The following DNMT3L variants were observed in gnomAD, a reference collection of about 807,000 sequenced individuals.
The protein encoded by DNMT3L is DNA (cytosine-5)-methyltransferase 3-like.
DNMT3L carries 33 observed loss-of-function variants against 36.2 expected under a neutral mutation model. That is an observed-to-expected ratio of 0.91 (90% CI 0.69 to 1.22). The LOEUF (loss-of-function observed/expected upper bound fraction) is 1.22, where lower values mean the gene tolerates loss of function less well. DNMT3L is among the 50% of genes most tolerant of loss of function. The pLI is 0.00. For synonymous variants in DNMT3L, 117 were observed against 121.7 expected, an observed-to-expected ratio of 0.96 and a Z score of 0.26; for missense variants, 310 against 303.1, an observed-to-expected ratio of 1.02 and a Z score of -0.17.
At chr21:44,259,124 G>A (rs533338988) in intron 5 of DNMT3L, among the ~76,000 whole-genome samples, 18 of 152,236 alleles carry the variant, frequency 1.2e-4, no homozygotes, top group Middle Eastern at 3.4e-3. Flanking sequence ...AGGGAGTAAC[G>A]ACTGAGGGGT....
chr21:44,257,249 G>A (rs1472358311), intron 6 of DNMT3L, among the ~76,000 whole-genome samples: 1 of 152,128 alleles, frequency 6.6e-6, no homozygotes, highest in Non-Finnish European at 1.5e-5. Flanking sequence ...TGTGGCGGTC[G>A]GTGCCTGTAA....
intron 6 of DNMT3L, among the ~76,000 whole-genome samples, chr21:44,257,296 G>A (rs940071719): frequency 1.3e-5 from 2 of 152,206 alleles, no homozygotes; most frequent in Non-Finnish European, 2.9e-5. Context: ...AGAATCGCTT[G>A]AACCCGGGAG....
intron 7 of DNMT3L, among the ~76,000 whole-genome samples, chr21:44,254,912 G>T (rs918458243): frequency 1.3e-5 from 2 of 152,124 alleles, no homozygotes; most frequent in Admixed American, 6.5e-5. Flanking sequence ...TGCAACCTCC[G>T]CCTCCCAGGT....
At chr21:44,256,419 ATTTT>A (rs937821792) in intron 6 of DNMT3L, among the ~76,000 whole-genome samples, 2 of 103,824 alleles carry the variant, frequency 1.9e-5, no homozygotes, top group African/African-American at 4.0e-5. Context: ...GGGTTTGCTG[ATTTT>A]TTTTTTTTTT....
chr21:44,255,735 C>T (rs1391563486), intron 7 of DNMT3L, among the ~76,000 whole-genome samples: 4 of 152,302 alleles, frequency 2.6e-5, no homozygotes, highest in East Asian at 1.9e-4. Flanking sequence ...GGCTCCTGAT[C>T]GGCTGCATGG....
At position 44,259,663 on chromosome 21, in the gene DNMT3L, A is replaced by C; in HGVS notation, c.200T>G (p.Leu67Arg). ...GSLQVHTQHP[L>R]FEGGICAPCK... ...TGGGGCGCAGATCCCTCCCTCAAACAGAGGGTGCTGTGTGTGAACCTGGAG... is the reference window on the plus strand; with the variant it reads ...TGGGGCGCAGATCCCTCCCTCAAACCGAGGGTGCTGTGTGTGAACCTGGAG... The change falls in exon 4 of 12, where the codon CTG becomes CGG. Residue 67 changes from leucine (L) to arginine (R), a missense_variant. By Grantham distance (102) the Leu-to-Arg change is moderately radical. Transcript: ENST00000628202. 5 of 1,613,168 alleles carry C rather than the reference A, an allele frequency of 3.1e-6. No individual in the cohort carries two copies. Among genetic ancestry groups the C allele is most frequent in the Non-Finnish European group, 4.2e-6 (5 of 1,179,790 alleles).
chr21:44,259,650 C>G lies in DNMT3L; in HGVS notation c.213G>C (p.Gly71=). 1 of 1,613,192 alleles carries G rather than the reference C, an allele frequency of 6.2e-7. No individual in the cohort carries two copies. Among genetic ancestry groups the G allele is most frequent in the Middle Eastern group, 1.6e-4 (1 of 6,062 alleles). Residue 71 remains glycine, a synonymous_variant, in exon 4 of 12, where the codon GGG becomes GGC. Coordinates refer to ENST00000628202, the MANE Select transcript of DNMT3L (RefSeq NM_175867.3). ...TGCCTACCTTACATGGGGCGCAGAT[C>G]CCTCCCTCAAACAGAGGGTGCTGTG... ...VHTQHPLFEG[G]ICAPCKDKFL...
intron 8 of DNMT3L, among the ~76,000 whole-genome samples, chr21:44,253,975 G>A (rs1035660355): frequency 2.6e-5 from 4 of 152,246 alleles, no homozygotes; most frequent in Non-Finnish European, 4.4e-5. Context: ...GAAAAGGCAT[G>A]GTGGGGTGGG....
rs1315265026 is a variant in DNMT3L at position 44,259,630 on chromosome 21, A to G, written c.231+2T>C. 6.2e-7 allele frequency: 1 copy of G among 1,613,218 alleles called. No homozygotes were observed. The highest frequency in any genetic ancestry group is 8.5e-7 in the Non-Finnish European group (1 of 1,179,848). ...GGAGTCACCCCCAGCCTCCCTGCCT[A>G]CCTTACATGGGGCGCAGATCCCTCC... On this transcript the variant is annotated splice_donor_variant, in intron 4 of 11. Coordinates refer to ENST00000628202, the MANE Select transcript of DNMT3L (RefSeq NM_175867.3). LOFTEE classifies it high-confidence loss of function.
chr21:44,256,140 C>G lies in DNMT3L; in HGVS notation c.531G>C (p.Glu177Asp). ...TCCACACAGGCACGGTTTCGAACATCTCAAGGGGATTCTCCTATTTATTAA... is the reference window on the plus strand; with the variant it reads ...TCCACACAGGCACGGTTTCGAACATGTCAAGGGGATTCTCCTATTTATTAA... Reference protein sequence around the residue: ...FYDRESENPLEMFETVPVWRR... With the variant: ...FYDRESENPLDMFETVPVWRR... The change falls in exon 7 of 12, where the codon GAG becomes GAC. Residue 177 changes from glutamate to aspartate, a missense_variant. Glu to Asp is a conservative substitution (Grantham distance 45). Transcript: ENST00000628202. 1 of 1,613,598 alleles carries G rather than the reference C, an allele frequency of 6.2e-7. No individual in the cohort carries two copies. Among genetic ancestry groups the G allele is most frequent in the Non-Finnish European group, 8.5e-7 (1 of 1,179,704 alleles).
intron 1 of DNMT3L, among the ~76,000 whole-genome samples, 171 bp from the exon 2 acceptor site, chr21:44,261,437 G>A (rs1955947951): frequency 1.3e-5 from 2 of 152,246 alleles, no homozygotes; most frequent in Middle Eastern, 3.2e-3. Context: ...GGGCAGGACA[G>A]CCAAGGCCAG....
chr21:44,258,377 G>A lies in DNMT3L; in HGVS notation c.516+146C>T, dbSNP rs897723290. On this transcript the variant is annotated intron_variant, in intron 6 of 11. Coordinates refer to ENST00000628202, the MANE Select transcript of DNMT3L (RefSeq NM_175867.3). The surrounding 1 kb of genome is among the most constrained non-coding windows in gnomAD (Gnocchi z 6.2). ...CCACCATCGAGTGGAAGCCACTATC[G>A]GAGAGGAACCCAGGAAAGAGTGTTT... is the stretch of plus-strand genomic sequence containing the variant. The A allele has an allele frequency of 2.2e-5, 27 of 1,209,414 alleles. No homozygotes were observed. The African/African-American group carries it at 2.3e-4, about 10-fold the overall frequency. The allele number at this position is 1,209,414 out of a possible 1,614,324, so 74.9% of individuals were successfully genotyped here.
Position 44,259,488 on chromosome 21 carries a change from A to G in DNMT3L, c.293T>C (p.Ile98Thr), listed in dbSNP as rs776696613. 1 of 1,613,718 alleles carries G rather than the reference A, an allele frequency of 6.2e-7. No individual in the cohort carries two copies. The highest frequency in any genetic ancestry group is 8.5e-7 in the Non-Finnish European group (1 of 1,180,018). Reference protein sequence around the residue: ...DDDGYQSYCSICCSGETLLIC... With the variant: ...DDDGYQSYCSTCCSGETLLIC... ...GAGCAGCGTCTCTCCGGAGCAGCAG[A>G]TGGAGCAGTAGGATTGGTACCCGTC... The change falls in exon 5 of 12, where the codon ATC (isoleucine) becomes ACC (threonine). Residue 98 changes from isoleucine (I) to threonine (T), a missense_variant. Coordinates refer to ENST00000628202, the MANE Select transcript of DNMT3L (RefSeq NM_175867.3).
At chr21:44,257,701 T>A (rs200792357) in intron 6 of DNMT3L, among the ~76,000 whole-genome samples, 9,446 of 47,842 alleles carry the variant, frequency 0.2, 529 homozygotes, top group Middle Eastern at 0.24. Context: ...AAAAAATAAA[T>A]AAATAAATAA....
At chr21:44,256,849 C>T (rs1447482827) in intron 6 of DNMT3L, among the ~76,000 whole-genome samples, 1 of 152,210 alleles carries the variant, frequency 6.6e-6, no homozygotes, top group Non-Finnish European at 1.5e-5. Flanking sequence ...CCTCGGCTTT[C>T]AGAGTGCTAG....
intron 7 of DNMT3L, 53 bp downstream of exon 7, chr21:44,256,014 C>G: frequency 6.3e-7 from 1 of 1,592,892 alleles, no homozygotes; most frequent in Non-Finnish European, 8.6e-7. Context: ...GAGGGGCAGT[C>G]AGGTGTTTAG....
At chr21:44,261,665 A>C (rs1010325255) in intron 1 of DNMT3L, 75 bp downstream of exon 1, 1 of 181,004 alleles carries the variant, frequency 5.5e-6, no homozygotes, top group Non-Finnish European at 1.2e-5. Flanking sequence ...CAGGCCCAGC[A>C]GGGACCCCTG....
Position 44,254,005 on chromosome 21 carries a change from G to A in DNMT3L, c.693+612C>T, listed in dbSNP as rs573814248. On this transcript the variant is annotated intron_variant, in intron 8 of 11. Coordinates refer to ENST00000628202, the MANE Select transcript of DNMT3L (RefSeq NM_175867.3). Reference sequence around the variant, plus strand: ...GGTGGGGACAGCGGAGGTGAGGGGGGGCTGCTGGTCCCAGGCCGGGAGCCC... The same window carrying A: ...GGTGGGGACAGCGGAGGTGAGGGGGAGCTGCTGGTCCCAGGCCGGGAGCCC... Among the ~76,000 whole-genome samples the A allele has an allele frequency of 4.2e-4, 64 of 152,276 alleles. 2 individuals are homozygous for A. In the South Asian group the frequency reaches 7.9e-3, roughly 19 times the overall value.
chr21:44,259,587 C>T, intron 4 of DNMT3L, 38 bp from the exon 5 acceptor site: 1 of 1,613,434 alleles, frequency 6.2e-7, no homozygotes, highest in Non-Finnish European at 8.5e-7. Flanking sequence ...TGTGTCATCC[C>T]TGCTCTGAGG....
Sources: allele counts gnomAD v4.1 joint callset (sites outside exome capture counted in the v4.1 genomes callset), GRCh38; gene constraint gnomAD v4.1.1; non-coding constraint Gnocchi (gnomAD v3.1); transcripts MANE v1.5; gene names NCBI Gene and HGNC (gene_info 2026-07-23, HGNC 2026-07-21).